Variants in SLC12A2 observed in about 807,000 individuals in gnomAD.
SLC12A2 encodes solute carrier family 12 member 2, also known as Na-K-2Cl cotransporter 1.
A neutral mutation model predicts 136.3 loss-of-function variants in SLC12A2; 67 were observed. That is an observed-to-expected ratio of 0.49 (90% CI 0.40 to 0.60). SLC12A2 has a LOEUF of 0.60. SLC12A2 is among the 20% of genes least tolerant of loss of function. SLC12A2 has a pLI of 0.00. For missense variants in SLC12A2, 1,322 were observed against 1,534.7 expected, an observed-to-expected ratio of 0.86 and a Z score of 2.32; for synonymous variants, 619 against 562.9, an observed-to-expected ratio of 1.10 and a Z score of -1.41.
At chr5:128,085,348 A>T (rs1760061892) in intron 1 of SLC12A2, among the ~76,000 whole-genome samples, 1 of 150,284 alleles carries the variant, frequency 6.7e-6, no homozygotes, top group Non-Finnish European at 1.5e-5. Context: ...TGTATATTTA[A>T]AAAAAAAGGG....
intron 1 of SLC12A2, among the ~76,000 whole-genome samples, chr5:128,108,832 A>G (rs912268160): frequency 6.6e-6 from 1 of 152,176 alleles, no homozygotes; most frequent in Non-Finnish European, 1.5e-5. Flanking sequence ...ACAATTGCAA[A>G]TTTGGGGTAA....
At position 128,084,125 on chromosome 5, in the gene SLC12A2, C is replaced by A; in HGVS notation, c.171C>A (p.Arg57=). 7.7e-7 allele frequency: 1 copy of A among 1,303,078 alleles called. No homozygotes were observed. Among genetic ancestry groups the A allele is most frequent in the Non-Finnish European group, 9.7e-7 (1 of 1,030,936 alleles). The allele number at this position is 1,303,078 out of a possible 1,614,324, so 80.7% of individuals were successfully genotyped here. A position where few individuals can be genotyped will look rare whatever the true frequency, so the allele number is the denominator to read the frequency against. The change falls in exon 1 of 27, where the codon CGC becomes CGA. Residue 57 remains arginine, a synonymous_variant. Transcript: ENST00000262461. The surrounding 1 kb of genome is among the most constrained non-coding windows in gnomAD (Gnocchi z 5.6). The part of the protein sequence containing the change: ...APASRDGGGV[R]DEGPAAAGDG... ...CGAGCCGGGACGGCGGCGGGGTCCG[C>A]GATGAGGGCCCCGCGGCGGCCGGGG...
intron 16 of SLC12A2, among the ~76,000 whole-genome samples, chr5:128,160,210 G>A (rs1173633511): frequency 6.6e-6 from 1 of 152,018 alleles, no homozygotes; most frequent in Non-Finnish European, 1.5e-5. Flanking sequence ...GACACAGGGA[G>A]GGGAACATCA....
chr5:128,152,768 C>T lies in SLC12A2; in HGVS notation c.2326C>T (p.Arg776Cys), dbSNP rs1466194998. ...CCTGAATGCACTGCAGCATTCAATT[C>T]GTCTTTCTGGAGTGGAAGACCACGT... ...TYLNALQHSI[R>C]LSGVEDHVKN... is the part of the protein sequence containing the mutation. Residue 776 changes from arginine (R) to cysteine (C), a missense_variant, in exon 15 of 27, where the codon CGT (arginine) becomes TGT (cysteine). Physicochemically the swap from Arg to Cys is radical, Grantham distance 180. This residue lies in a region of SLC12A2 where 294 missense variants were observed against 436.6 expected (regional missense o/e 0.67). Coordinates refer to ENST00000262461, the MANE Select transcript of SLC12A2 (RefSeq NM_001046.3). 16 of 1,613,372 alleles carry T rather than the reference C, an allele frequency of 9.9e-6. 1 individual carries two copies. Among genetic ancestry groups the T allele is most frequent in the South Asian group, 3.3e-5 (3 of 91,072 alleles).
In SLC12A2 at chr5:128,178,643, A is replaced by G; in HGVS notation, c.3054A>G (p.Lys1018=). ...LLEASTQFQK[K]QGKNTIDVWW... ...AAGCTAGTACACAGTTTCAGAAAAAACAAGGAAAGAATACTATTGATGTCT... is the reference window on the plus strand; with the variant it reads ...AAGCTAGTACACAGTTTCAGAAAAAGCAAGGAAAGAATACTATTGATGTCT... The change falls in exon 22 of 27, where the codon AAA becomes AAG. Residue 1018 remains lysine, a synonymous_variant. Coordinates refer to ENST00000262461, the MANE Select transcript of SLC12A2 (RefSeq NM_001046.3). 6.2e-7 allele frequency: 1 copy of G among 1,602,570 alleles called. No homozygotes were observed. The highest frequency in any genetic ancestry group is 2.3e-5 in the East Asian group (1 of 44,322).
intron 4 of SLC12A2, among the ~76,000 whole-genome samples, chr5:128,122,264 A>G (rs1179242616): frequency 6.6e-6 from 1 of 152,168 alleles, no homozygotes; most frequent in Non-Finnish European, 1.5e-5. Flanking sequence ...TTCCATGATG[A>G]AGTTTTATGT....
Position 128,184,938 on chromosome 5 carries a change from A to G in SLC12A2, c.3503+82A>G, listed in dbSNP as rs191253692. ...TAATTTCTATTCCAAGTACATATCT[A>G]TATAACACCCATATTGACTTAGTGG... is the stretch of plus-strand genomic sequence containing the variant. On this transcript the variant is annotated intron_variant, in intron 26 of 26. Transcript: ENST00000262461. 546 of 1,187,112 alleles carry G rather than the reference A, an allele frequency of 4.6e-4. 1 individual carries two copies. The African/African-American group carries it at 7.7e-3, about 17-fold the overall frequency. The allele number at this position is 1,187,112 out of a possible 1,614,324, so 73.5% of individuals were successfully genotyped here. A position where few individuals can be genotyped will look rare whatever the true frequency, so the allele number is the denominator to read the frequency against.
rs767684897 is a variant in SLC12A2 at position 128,141,882 on chromosome 5, A to G, written c.1674A>G (p.Thr558=). 1 of 1,614,050 alleles carries G rather than the reference A, an allele frequency of 6.2e-7. No homozygotes were observed. ...ATGNVNDTIV[T]ELTNCTSAAC... ...GAAACGTTAATGACACTATCGTAAC[A>G]GAGCTAACAAACTGTACTTCTGCAG... Residue 558 remains threonine (T), a synonymous_variant, in exon 10 of 27, where the codon ACA becomes ACG. Coordinates refer to ENST00000262461, the MANE Select transcript of SLC12A2 (RefSeq NM_001046.3).
chr5:128,103,317 G>A (rs1160885989), intron 1 of SLC12A2, among the ~76,000 whole-genome samples: 1 of 152,204 alleles, frequency 6.6e-6, no homozygotes, highest in Non-Finnish European at 1.5e-5. Flanking sequence ...CGGAACTGAG[G>A]ACCAGAGGGA....
rs2126712325 is a variant in SLC12A2, at chr5:128,141,875, T to C, written c.1667T>C (p.Ile556Thr). The change falls in exon 10 of 27, where the codon ATC (isoleucine) becomes ACC (threonine). Residue 556 changes from isoleucine (I) to threonine (T), a missense_variant. By Grantham distance (89) the Ile-to-Thr change is moderately conservative. Around this residue, in one of 8 missense-constraint regions of SLC12A2, gnomAD observed 294 missense variants for 436.6 expected, o/e 0.67. Coordinates refer to ENST00000262461, the MANE Select transcript of SLC12A2 (RefSeq NM_001046.3). The stretch of plus-strand genomic sequence containing the variant: ...GCCACTGGAAACGTTAATGACACTA[T>C]CGTAACAGAGCTAACAAACTGTACT... ...RDATGNVNDT[I>T]VTELTNCTSA... 6.2e-7 allele frequency: 1 copy of C among 1,613,962 alleles called. No individual in the cohort carries two copies. The highest frequency in any genetic ancestry group is 8.5e-7 in the Non-Finnish European group (1 of 1,179,886).
In SLC12A2 at chr5:128,147,022, A is replaced by G. The variant is rs1171185566; in HGVS notation, c.1774-600A>G. On this transcript the variant is annotated intron_variant, in intron 10 of 26. Coordinates refer to ENST00000262461, the MANE Select transcript of SLC12A2 (RefSeq NM_001046.3). ...AGAAAAATAATAAAAGGAAAAGGAA[A>G]TGTGAACCTGTTGATTGAAAAAGAC... Among the ~76,000 whole-genome samples the G allele has an allele frequency of 3.3e-5, 5 of 151,618 alleles. No individual in the cohort carries two copies. The East Asian group carries it at 9.7e-4, about 29-fold the overall frequency.
At chr5:128,087,970 A>G (rs560302140) in intron 1 of SLC12A2, among the ~76,000 whole-genome samples, 1 of 150,428 alleles carries the variant, frequency 6.6e-6, no homozygotes, top group Non-Finnish European at 1.5e-5. Flanking sequence ...GCCTATAAAG[A>G]CAAAGACAAC....
chr5:128,159,823 A>G (rs1353243082), intron 16 of SLC12A2, among the ~76,000 whole-genome samples: 2 of 152,328 alleles, frequency 1.3e-5, no homozygotes, highest in South Asian at 2.1e-4. Flanking sequence ...TGTGGAAGAC[A>G]GCGTGGCGAT....
intron 18 of SLC12A2, 63 bp downstream of exon 18, chr5:128,167,930 C>A: frequency 2.0e-6 from 2 of 1,006,676 alleles, no homozygotes; most frequent in South Asian, 1.8e-5. Context: ...GAAAGCTTGT[C>A]CTAATTTTTG....
chr5:128,153,336 G>T (rs1395980548), intron 15 of SLC12A2, among the ~76,000 whole-genome samples: 2 of 152,142 alleles, frequency 1.3e-5, no homozygotes, highest in East Asian at 3.9e-4. Flanking sequence ...TGGGGGATCA[G>T]TTGAGGTCAG....
chr5:128,135,971 G>A (rs1400759899), intron 7 of SLC12A2, among the ~76,000 whole-genome samples, 163 bp downstream of exon 7: 1 of 152,072 alleles, frequency 6.6e-6, no homozygotes, highest in South Asian at 2.1e-4. Flanking sequence ...TGTACAGTTG[G>A]AGTAAAAATT....
At chr5:128,163,729 A>G (rs548299653) in intron 17 of SLC12A2, among the ~76,000 whole-genome samples, 14 of 152,172 alleles carry the variant, frequency 9.2e-5, no homozygotes, top group Non-Finnish European at 7.3e-5. Context: ...TAAAAAGTAT[A>G]TGAACAATAT....
chr5:128,159,782 T>C (rs1762977783), intron 16 of SLC12A2, among the ~76,000 whole-genome samples: 2 of 152,222 alleles, frequency 1.3e-5, no homozygotes, highest in Non-Finnish European at 1.5e-5. Context: ...ACTTTTACAC[T>C]GTTGGTGGGA....
chr5:128,135,604 A>T (rs973846233), intron 6 of SLC12A2, 96 bp from the exon 7 acceptor site: 1 of 824,758 alleles, frequency 1.2e-6, no homozygotes, highest in African/African-American at 1.7e-5. Context: ...AACAAGACAG[A>T]AATTCTTTCC....
Sources: allele counts gnomAD v4.1 joint callset (sites outside exome capture counted in the v4.1 genomes callset), GRCh38; gene constraint gnomAD v4.1.1; regional missense constraint gnomAD v4.1.1; non-coding constraint Gnocchi (gnomAD v3.1); transcripts MANE v1.5; gene names NCBI Gene and HGNC (gene_info 2026-07-23, HGNC 2026-07-21).